Variants in PRRG1 observed in about 807,000 individuals in gnomAD.
PRRG1 encodes transmembrane gamma-carboxyglutamic acid protein 1.
Under a neutral mutation model 11.8 loss-of-function variants are expected in PRRG1, and 5 were observed. The ratio of observed to expected loss-of-function variants is 0.42; its 90% confidence interval spans 0.22 to 0.89. PRRG1 has a LOEUF of 0.89. PRRG1 is among the 40% of genes least tolerant of loss of function. The pLI, the probability that PRRG1 is intolerant of heterozygous loss-of-function variation, is 0.28. For missense variants in PRRG1, 155 were observed against 166.1 expected (o/e 0.93, Z 0.37); for synonymous variants, 66 against 60.4 (o/e 1.09, Z -0.43).
intron 3 of PRRG1, among the ~76,000 whole-genome samples, chrX:37,449,280 C>T (rs1921028420): frequency 9.0e-6 from 1 of 111,429 alleles, no homozygotes; most frequent in Non-Finnish European, 1.9e-5. Flanking sequence ...CTGCTAGGCC[C>T]TCCTCATCAA....
In PRRG1 at chrX:37,453,548, A is replaced by G; in HGVS notation, c.584A>G (p.Glu195Gly). The change falls in exon 4 of 4, where the codon GAG becomes GGG. Residue 195 changes from glutamate to glycine, a missense_variant. Glu to Gly is a moderately conservative substitution (Grantham distance 98). Transcript: ENST00000378628. ...ETEPHLDPPP[E>G]YEDIVNSNSA... Reference sequence around the variant, plus strand: ...GAACCTCATTTAGACCCACCCCCAGAGTATGAGGACATAGTCAACTCCAAC... The same window carrying G: ...GAACCTCATTTAGACCCACCCCCAGGGTATGAGGACATAGTCAACTCCAAC... 8.3e-7 allele frequency: 1 copy of G among 1,210,129 alleles called. No individual in the cohort carries two copies. The highest frequency in any genetic ancestry group is 1.1e-6 in the Non-Finnish European group (1 of 894,436).
chrX:37,417,688 T>C lies in PRRG1; in HGVS notation c.11-8152T>C, dbSNP rs539438366. Reference sequence around the variant, plus strand: ...AGGAAAAGTTGTTTCCATCAGTCTGTGATAAGAAGTACCTATTTAACACCT... The same window carrying C: ...AGGAAAAGTTGTTTCCATCAGTCTGCGATAAGAAGTACCTATTTAACACCT... On this transcript the variant is annotated intron_variant, in intron 2 of 3. Coordinates refer to ENST00000378628, the MANE Select transcript of PRRG1 (RefSeq NM_001142395.2). Among the ~76,000 whole-genome samples the C allele has an allele frequency of 9.2e-4, 102 of 111,311 alleles. 1 individual carries two copies. The South Asian group carries it at 0.038, about 41-fold the overall frequency.
At chrX:37,419,604 G>A (rs1407237213) in intron 2 of PRRG1, among the ~76,000 whole-genome samples, 1 of 111,437 alleles carries the variant, frequency 9.0e-6, no homozygotes, top group Non-Finnish European at 1.9e-5. Context: ...GCAGGAGAGA[G>A]ATCACTCACA....
At chrX:37,420,083 G>A (rs1182576968) in intron 2 of PRRG1, among the ~76,000 whole-genome samples, 1 of 111,706 alleles carries the variant, frequency 9.0e-6, no homozygotes, top group Non-Finnish European at 1.9e-5. Context: ...ACTACTTATT[G>A]TAAATCTGTT....
At chrX:37,408,873 T>C (rs1482338857) in intron 2 of PRRG1, among the ~76,000 whole-genome samples, 7 of 111,359 alleles carry the variant, frequency 6.3e-5, no homozygotes, top group Non-Finnish European at 3.8e-5. Flanking sequence ...AAACCCGTTC[T>C]TTCTCATTTC....
chrX:37,443,337 T>C (rs927469801), intron 3 of PRRG1, among the ~76,000 whole-genome samples: 1 of 111,629 alleles, frequency 9.0e-6, no homozygotes, highest in Non-Finnish European at 1.9e-5. Flanking sequence ...GGGGAATACA[T>C]GTCATGTGAA....
chrX:37,415,921 A>G (rs1932482371), intron 2 of PRRG1, among the ~76,000 whole-genome samples: 2 of 111,872 alleles, frequency 1.8e-5, no homozygotes, highest in South Asian at 3.7e-4. Context: ...GCAGGTAAAC[A>G]TGAGGCCTTT....
intron 1 of PRRG1, among the ~76,000 whole-genome samples, chrX:37,399,046 G>A (rs1556379336): frequency 1.8e-5 from 2 of 112,169 alleles, no homozygotes; most frequent in African/African-American, 6.5e-5. Context: ...AACCAAGTTG[G>A]AAAACACTCT....
intron 1 of PRRG1, among the ~76,000 whole-genome samples, chrX:37,378,915 C>T (rs1431591616): frequency 7.4e-5 from 8 of 108,559 alleles, no homozygotes; most frequent in African/African-American, 2.7e-4. Context: ...AGCATGAGGG[C>T]AGGTTTTATG....
intron 1 of PRRG1, among the ~76,000 whole-genome samples, chrX:37,368,091 T>G (rs1219833430): frequency 8.9e-6 from 1 of 112,219 alleles, no homozygotes; most frequent in Non-Finnish European, 1.9e-5. Flanking sequence ...ACTTGTTTCA[T>G]GGCCTAGAAT....
chrX:37,401,347 T>A (rs1318910929), intron 1 of PRRG1, among the ~76,000 whole-genome samples: 13 of 111,210 alleles, frequency 1.2e-4, no homozygotes, highest in Non-Finnish European at 2.1e-4. Context: ...AATCAATAAA[T>A]GTAATCCAGC....
chrX:37,384,271 C>G (rs1422841671), intron 1 of PRRG1, among the ~76,000 whole-genome samples: 1 of 111,415 alleles, frequency 9.0e-6, no homozygotes, highest in African/African-American at 3.3e-5. Flanking sequence ...CATCCGTGTC[C>G]CTTCATTTCC....
intron 3 of PRRG1, among the ~76,000 whole-genome samples, chrX:37,446,674 G>A (rs2146635159): frequency 9.0e-6 from 1 of 111,359 alleles, no homozygotes; most frequent in Admixed American, 9.6e-5. Context: ...TTTATAGAGA[G>A]GAGATTTATT....
chrX:37,436,289 T>C (rs1172835635), intron 3 of PRRG1, among the ~76,000 whole-genome samples: 1 of 112,169 alleles, frequency 8.9e-6, no homozygotes, highest in Non-Finnish European at 1.9e-5. Flanking sequence ...TTTTAGAAAC[T>C]GAGTTATTGA....
chrX:37,359,793 T>C (rs1309661581), intron 1 of PRRG1, among the ~76,000 whole-genome samples: 1 of 111,908 alleles, frequency 8.9e-6, no homozygotes, highest in Non-Finnish European at 1.9e-5. Context: ...ATTGTTTCAA[T>C]TTCTTTAGTA....
intron 2 of PRRG1, among the ~76,000 whole-genome samples, chrX:37,416,834 C>A (rs1298802473): frequency 8.9e-6 from 1 of 111,792 alleles, no homozygotes; most frequent in Non-Finnish European, 1.9e-5. Flanking sequence ...AAGTTTAAAA[C>A]CCCTTTAAAG....
chrX:37,383,591 A>G (rs1434067001), intron 1 of PRRG1, among the ~76,000 whole-genome samples: 3 of 111,465 alleles, frequency 2.7e-5, no homozygotes, highest in Non-Finnish European at 3.8e-5. Context: ...GCTATTTGCA[A>G]TGATTTCTCA....
intron 1 of PRRG1, among the ~76,000 whole-genome samples, chrX:37,377,128 TTGA>T (rs782504147): frequency 1.8e-5 from 2 of 111,935 alleles, no homozygotes; most frequent in East Asian, 5.6e-4. Context: ...TGCATTCATG[TTGA>T]TACACAGCCA....
chrX:37,358,613 T>C (rs1445828621), intron 1 of PRRG1, among the ~76,000 whole-genome samples: 1 of 112,014 alleles, frequency 8.9e-6, no homozygotes, highest in African/African-American at 3.2e-5. Context: ...ATTACTGTAG[T>C]TTAATAGTAA....
Sources: gnomAD v4.1 joint callset for allele counts (sites outside exome capture counted in the v4.1 genomes callset) on GRCh38, gnomAD v4.1.1 for gene constraint, MANE v1.5 for transcripts, NCBI Gene and HGNC (gene_info 2026-07-23, HGNC 2026-07-21) for gene names.